The following TRIM47 variants were observed in gnomAD, a reference collection of about 807,000 sequenced individuals.
The protein encoded by TRIM47 is E3 ubiquitin-protein ligase TRIM47.
A neutral mutation model predicts 54.4 loss-of-function variants in TRIM47; 46 were observed. The observed-to-expected ratio is 0.84, with a 90% confidence interval of 0.67 to 1.08. The LOEUF (loss-of-function observed/expected upper bound fraction) is 1.08, where lower values mean the gene tolerates loss of function less well. TRIM47 is among the 50% of genes least tolerant of loss of function. The pLI is 0.00. For synonymous variants in TRIM47, 392 were observed against 410.2 expected, an observed-to-expected ratio of 0.96 and a Z score of 0.54; for missense variants, 825 against 910.1, an observed-to-expected ratio of 0.91 and a Z score of 1.20.
Position 75,876,038 on chromosome 17 carries a change from C to T in TRIM47, c.1064G>A (p.Arg355Lys). 1 of 1,603,218 alleles carries T rather than the reference C, an allele frequency of 6.2e-7. No homozygotes were observed. Among genetic ancestry groups the T allele is most frequent in the Non-Finnish European group, 8.5e-7 (1 of 1,179,974 alleles). ...DGCGPGPGPP[R>K]ELSFTKSSQA... Reference sequence around the variant, plus strand: ...GGATGATTTGGTGAAGCTGAGCTCCCTCGGGGGTCCAGGCCCAGGGCCACA... The same window carrying T: ...GGATGATTTGGTGAAGCTGAGCTCCTTCGGGGGTCCAGGCCCAGGGCCACA... Residue 355 changes from arginine (R) to lysine (K), a missense_variant, in exon 4 of 6, where the codon AGG becomes AAG. Coordinates refer to ENST00000254816, the MANE Select transcript of TRIM47 (RefSeq NM_033452.3).
rs1261998220 is a variant in TRIM47 at position 75,874,950 on chromosome 17, A to G, written c.1450T>C (p.Trp484Arg). 6.2e-7 allele frequency: 1 copy of G among 1,613,842 alleles called. No individual in the cohort carries two copies. Among genetic ancestry groups the G allele is most frequent in the African/African-American group, 1.3e-5 (1 of 74,880 alleles). ...CAGCCCTCGATAATCTCCACCTCCC[A>G]GTAGTAGGTGCCTCGGTCCAGGGCA... is the stretch of plus-strand genomic sequence containing the variant. Reference protein sequence around the residue: ...EGALDRGTYYWEVEIIEGWVS... With the variant: ...EGALDRGTYYREVEIIEGWVS... Residue 484 changes from tryptophan (W) to arginine (R), a missense_variant, in exon 6 of 6, where the codon TGG becomes CGG. Trp to Arg is a moderately radical substitution (Grantham distance 101). Coordinates refer to ENST00000254816, the MANE Select transcript of TRIM47 (RefSeq NM_033452.3). The surrounding 1 kb of genome is among the most constrained non-coding windows in gnomAD (Gnocchi z 6.2).
At position 75,875,073 on chromosome 17, in the gene TRIM47, G is replaced by A. The variant is rs1185767854; in HGVS notation, c.1327C>T (p.Leu443=). 1.2e-6 allele frequency: 2 copies of A among 1,609,596 alleles called. No homozygotes were observed. The highest frequency in any genetic ancestry group is 1.7e-6 in the Non-Finnish European group (2 of 1,176,454). The part of the protein sequence containing the change: ...DSDTADKFLQ[L]FGTKGVKRVL... ...CTCTTGACACCTTTGGTTCCAAACA[G>A]CTGCAGGAACTTGTCTGCTGTGTCG... The change falls in exon 6 of 6, where the codon CTG becomes TTG. Residue 443 remains leucine (L), a synonymous_variant. Transcript: ENST00000254816. This position sits in a 1 kb window ranked among gnomAD's most constrained non-coding sequence, Gnocchi z 6.1.
In TRIM47 at chr17:75,875,697, G is replaced by A. The variant is rs2065129044; in HGVS notation, c.1201+204C>T. 9.7e-6 allele frequency: 7 copies of A among 722,642 alleles called. 1 individual carries two copies. In the South Asian group the frequency reaches 1.1e-4, roughly 11 times the overall value. 44.8% of individuals were successfully genotyped at this position (722,642 alleles called of 1,614,324 possible). A position where few individuals can be genotyped will look rare whatever the true frequency, so the allele number is the denominator to read the frequency against. ...ACAGCCCTCTGGAGCTAGAGGGTGGGCTAGGAGAAGCCCCCTCTACCCCAG... is the reference window on the plus strand; with the variant it reads ...ACAGCCCTCTGGAGCTAGAGGGTGGACTAGGAGAAGCCCCCTCTACCCCAG... On this transcript the variant is annotated intron_variant, in intron 4 of 5. Transcript: ENST00000254816. The surrounding 1 kb of genome is among the most constrained non-coding windows in gnomAD (Gnocchi z 6.1).
chr17:75,875,849 G>A lies in TRIM47; in HGVS notation c.1201+52C>T, dbSNP rs2065129570. ...ATGGGCGCCAGGCCTGGGGGCCTGT[G>A]CGAGAGGCTGGCAGAGGGTGAGTCA... is the stretch of plus-strand genomic sequence containing the variant. On this transcript the variant is annotated intron_variant, in intron 4 of 5. Coordinates refer to ENST00000254816, the MANE Select transcript of TRIM47 (RefSeq NM_033452.3). This position sits in a 1 kb window ranked among gnomAD's most constrained non-coding sequence, Gnocchi z 6.1. The A allele has an allele frequency of 1.3e-6, 2 of 1,578,560 alleles. No individual in the cohort carries two copies. Among genetic ancestry groups the A allele is most frequent in the South Asian group, 1.1e-5 (1 of 88,298 alleles).
Position 75,875,959 on chromosome 17 carries a change from C to T in TRIM47, c.1143G>A (p.Trp381Ter), listed in dbSNP as rs2065130840. Residue 381 changes from tryptophan to a stop codon, truncating the protein, a stop_gained, in exon 4 of 6, where the codon TGG (tryptophan) becomes TGA (stop). Coordinates refer to ENST00000254816, the MANE Select transcript of TRIM47 (RefSeq NM_033452.3). LOFTEE classifies it high-confidence loss of function. This position sits in a 1 kb window ranked among gnomAD's most constrained non-coding sequence, Gnocchi z 6.1. ...TGCCACCCGGCCCCCTCAGCTGCTC[C>T]CACTGGTTGACGCAGGCCACGGCCA... is the stretch of plus-strand genomic sequence containing the variant. ...DMLAVACVNQ[W>*]EQLRGPGGNE... is the part of the protein sequence containing the mutation. 1.9e-6 allele frequency: 3 copies of T among 1,610,642 alleles called. No individual in the cohort carries two copies. Among genetic ancestry groups the T allele is most frequent in the Admixed American group, 1.7e-5 (1 of 60,010 alleles).
Position 75,874,917 on chromosome 17 carries a change from T to A in TRIM47, c.1483A>T (p.Met495Leu), listed in dbSNP as rs985592031. 6.2e-7 allele frequency: 1 copy of A among 1,612,622 alleles called. No homozygotes were observed. Among genetic ancestry groups the A allele is most frequent in the African/African-American group, 1.3e-5 (1 of 74,892 alleles). ...GAGAAGTCTTCGGCCATGACCCCCA[T>A]GCTGACCCAGCCCTCGATAATCTCC... is the stretch of plus-strand genomic sequence containing the variant. ...EVEIIEGWVSMGVMAEDFSPQ... is the reference protein window; with the variant it reads ...EVEIIEGWVSLGVMAEDFSPQ... Residue 495 changes from methionine to leucine, a missense_variant, in exon 6 of 6, where the codon ATG becomes TTG. Physicochemically the swap from Met to Leu is conservative, Grantham distance 15 (BLOSUM62 2). Transcript: ENST00000254816. This position sits in a 1 kb window ranked among gnomAD's most constrained non-coding sequence, Gnocchi z 6.2.
Position 75,875,549 on chromosome 17 carries a change from C to T in TRIM47, c.1202-75G>A, listed in dbSNP as rs1201995386. On this transcript the variant is annotated intron_variant, in intron 4 of 5. Transcript: ENST00000254816. The surrounding 1 kb of genome is among the most constrained non-coding windows in gnomAD (Gnocchi z 6.1). ...GAACCTGTGACTACAATCCCTACCC[C>T]CTTCACTTCCTCCCAGAGTCCAGAG... The T allele has an allele frequency of 7.4e-7, 1 of 1,343,692 alleles. No individual in the cohort carries two copies. The highest frequency in any genetic ancestry group is 1.1e-6 in the Non-Finnish European group (1 of 941,614). The allele number at this position is 1,343,692 out of a possible 1,614,324, so 83.2% of individuals were successfully genotyped here. A position where few individuals can be genotyped will look rare whatever the true frequency, so the allele number is the denominator to read the frequency against.
Position 75,878,382 on chromosome 17 carries a change from A to T in TRIM47, c.167T>A (p.Leu56Gln), listed in dbSNP as rs776976617. 54 of 1,405,682 alleles carry T rather than the reference A, an allele frequency of 3.8e-5. No homozygotes were observed. Among genetic ancestry groups the T allele is most frequent in the Non-Finnish European group, 2.8e-6 (3 of 1,073,436 alleles). 87.1% of individuals were successfully genotyped at this position (1,405,682 alleles called of 1,614,324 possible). Reference sequence around the variant, plus strand: ...GCCGTCGGGGAAGGGCTCCTGGCACAGCGGGCAGCGGGCCGCGCCTCCGGG... The same window carrying T: ...GCCGTCGGGGAAGGGCTCCTGGCACTGCGGGCAGCGGGCCGCGCCTCCGGG... Reference protein sequence around the residue: ...GGPGGAARCPLCQEPFPDGLQ... With the variant: ...GGPGGAARCPQCQEPFPDGLQ... Residue 56 changes from leucine to glutamine, a missense_variant, in exon 1 of 6, where the codon CTG becomes CAG. Physicochemically the swap from Leu to Gln is moderately radical, Grantham distance 113. Transcript: ENST00000254816.
Position 75,874,626 on chromosome 17 carries a change from G to A in TRIM47, c.1774C>T (p.Pro592Ser). ...RGGIPASPID[P>S]FQSRLDSHFA... ...TGACTGTCCAGGCGGCTCTGGAAGG[G>A]GTCAATGGGGGAGGCCGGGATGCCA... is the stretch of plus-strand genomic sequence containing the variant. Residue 592 changes from proline (P) to serine (S), a missense_variant, in exon 6 of 6, where the codon CCC becomes TCC. Pro to Ser is a moderately conservative substitution (Grantham distance 74). Transcript: ENST00000254816. This position sits in a 1 kb window ranked among gnomAD's most constrained non-coding sequence, Gnocchi z 6.2. 6.3e-7 allele frequency: 1 copy of A among 1,583,116 alleles called. No homozygotes were observed. Among genetic ancestry groups the A allele is most frequent in the Non-Finnish European group, 8.6e-7 (1 of 1,163,858 alleles).
At position 75,876,473 on chromosome 17, in the gene TRIM47, C is replaced by A. The variant is rs374280134; in HGVS notation, c.791G>T (p.Arg264Leu). ...TGCAAACAGCCGGCTCACCCTCTCC[C>A]GCTCTGCTACGGCTGCACTCTGCAC... ...ALIKSAAVAE[R>L]ERVSRLFADA... Residue 264 changes from arginine (R) to leucine (L), a missense_variant, in exon 3 of 6, where the codon CGG becomes CTG. Transcript: ENST00000254816. 1 of 1,607,064 alleles carries A rather than the reference C, an allele frequency of 6.2e-7. No homozygotes were observed.
rs201181313 is a variant in TRIM47 at position 75,875,026 on chromosome 17, G to A, written c.1374C>T (p.Tyr458=). 4 of 1,614,136 alleles carry A rather than the reference G, an allele frequency of 2.5e-6. No homozygotes were observed. The highest frequency in any genetic ancestry group is 3.4e-6 in the Non-Finnish European group (4 of 1,180,004). ...GGGTGAAGCGGGTGGGCGACAAGGGGTAGTTGATAGGACACAGCACCCTCT... is the reference window on the plus strand; with the variant it reads ...GGGTGAAGCGGGTGGGCGACAAGGGATAGTTGATAGGACACAGCACCCTCT... ...GVKRVLCPIN[Y]PLSPTRFTHC... Residue 458 remains tyrosine (Y), a synonymous_variant, in exon 6 of 6, where the codon TAC becomes TAT. Transcript: ENST00000254816. The surrounding 1 kb of genome is among the most constrained non-coding windows in gnomAD (Gnocchi z 6.1).
rs1265116244 is a variant in TRIM47 at position 75,875,450 on chromosome 17, T to G, written c.1226A>C (p.Glu409Ala). The change falls in exon 5 of 6, where the codon GAG becomes GCG. Residue 409 changes from glutamate to alanine, a missense_variant. Physicochemically the swap from Glu to Ala is moderately radical, Grantham distance 107 (BLOSUM62 -1). Transcript: ENST00000254816. The surrounding 1 kb of genome is among the most constrained non-coding windows in gnomAD (Gnocchi z 6.1). ...SEADAEPQDLESTNLLESEAP... is the reference protein window; with the variant it reads ...SEADAEPQDLASTNLLESEAP... ...TTCACTCTCCAAGAGGTTCGTACTC[T>G]CGAGGTCTTGGGGCTCAGCATCAGC... 1 of 1,613,920 alleles carries G rather than the reference T, an allele frequency of 6.2e-7. No individual in the cohort carries two copies. The highest frequency in any genetic ancestry group is 8.5e-7 in the Non-Finnish European group (1 of 1,179,988).
At position 75,877,367 on chromosome 17, in the gene TRIM47, CTG is replaced by C. The variant is rs547979197; in HGVS notation, c.675+505_675+506del. 601 of 164,486 alleles carry C rather than the reference CTG, an allele frequency of 3.7e-3. 2 individuals are homozygous for C. Among genetic ancestry groups the C allele is most frequent in the African/African-American group, 0.014 (568 of 42,014 alleles). 10.2% of individuals were successfully genotyped at this position (164,486 alleles called of 1,614,324 possible). A position where few individuals can be genotyped will look rare whatever the true frequency, so the allele number is the denominator to read the frequency against. ...AGACCGGGCTGGAGGCCAAAGGAAA[CTG>C]GGGGCGGGAGGTAGAGGCCGCGGCT... On this transcript the variant is annotated intron_variant, in intron 1 of 5. Coordinates refer to ENST00000254816, the MANE Select transcript of TRIM47 (RefSeq NM_033452.3).
chr17:75,874,983 C>A lies in TRIM47; in HGVS notation c.1417G>T (p.Gly473Cys), dbSNP rs765841466. 18 of 1,614,000 alleles carry A rather than the reference C, an allele frequency of 1.1e-5. No individual in the cohort carries two copies. The highest frequency in any genetic ancestry group is 1.7e-6 in the Non-Finnish European group (2 of 1,180,004). Residue 473 changes from glycine to cysteine, a missense_variant, in exon 6 of 6, where the codon GGC (glycine) becomes TGC (cysteine). Transcript: ENST00000254816. This position sits in a 1 kb window ranked among gnomAD's most constrained non-coding sequence, Gnocchi z 6.2. ...GTGCCTCGGTCCAGGGCACCCTCGCCCAGCACCTGCTCACAATGGGTGAAG... is the reference window on the plus strand; with the variant it reads ...GTGCCTCGGTCCAGGGCACCCTCGCACAGCACCTGCTCACAATGGGTGAAG... ...TRFTHCEQVLGEGALDRGTYY... is the reference protein window; with the variant it reads ...TRFTHCEQVLCEGALDRGTYY...
rs2065129128 is a variant in TRIM47, at chr17:75,875,729, G to C, written c.1201+172C>G. 3.7e-6 allele frequency: 3 copies of C among 816,622 alleles called. No homozygotes were observed. Among genetic ancestry groups the C allele is most frequent in the Non-Finnish European group, 3.8e-6 (2 of 525,574 alleles). The allele number at this position is 816,622 out of a possible 1,614,324, so 50.6% of individuals were successfully genotyped here. ...GAAGCCCCCTCTACCCCAGGTCCAAGGGGCTGATTGATCCCCACAGGGTGG... is the reference window on the plus strand; with the variant it reads ...GAAGCCCCCTCTACCCCAGGTCCAACGGGCTGATTGATCCCCACAGGGTGG... On this transcript the variant is annotated intron_variant, in intron 4 of 5. Transcript: ENST00000254816. The surrounding 1 kb of genome is among the most constrained non-coding windows in gnomAD (Gnocchi z 6.1).
Position 75,878,253 on chromosome 17 carries a change from G to T in TRIM47, c.296C>A (p.Pro99His). Residue 99 changes from proline to histidine, a missense_variant, in exon 1 of 6, where the codon CCC (proline) becomes CAC (histidine). Coordinates refer to ENST00000254816, the MANE Select transcript of TRIM47 (RefSeq NM_033452.3). ...ACTGGGCAGCGCGCTGGGTGCCGAG[G>T]GCTCCGGGGCCAGGGCAGGGGCCGG... is the stretch of plus-strand genomic sequence containing the variant. The part of the protein sequence containing the change: ...PGPAPALAPE[P>H]SAPSALPSVP... 1 of 1,239,488 alleles carries T rather than the reference G, an allele frequency of 8.1e-7. No homozygotes were observed. The highest frequency in any genetic ancestry group is 1.0e-6 in the Non-Finnish European group (1 of 991,706). 76.8% of individuals were successfully genotyped at this position (1,239,488 alleles called of 1,614,324 possible).
In TRIM47 at chr17:75,878,474, G is replaced by T. The variant is rs751170727; in HGVS notation, c.75C>A (p.Gly25=). The T allele has an allele frequency of 2.2e-5, 31 of 1,408,548 alleles. No homozygotes were observed. In the South Asian group the frequency reaches 3.9e-4, roughly 18 times the overall value. 87.3% of individuals were successfully genotyped at this position (1,408,548 alleles called of 1,614,324 possible). Residue 25 remains glycine (G), a synonymous_variant, in exon 1 of 6, where the codon GGC becomes GGA. Transcript: ENST00000254816. ...CCAGGCAGGCGAGACAGAAGTTGTG[G>T]CCGCAGGGCAGCGTCACCGGCTCCC... ...PLREPVTLPC[G]HNFCLACLGA... is the part of the protein sequence containing the mutation.
Position 75,878,136 on chromosome 17 carries a change from A to AG in TRIM47, c.412dup (p.Leu138ProfsTer90). ...GGAGAGGCAGGACAGCGCGGCGGGC[A>AG]GGGCCGCGCCCTCGGGGCACGCGTC... On this transcript the variant is annotated frameshift_variant, in exon 1 of 6. Coordinates refer to ENST00000254816, the MANE Select transcript of TRIM47 (RefSeq NM_033452.3). LOFTEE classifies it high-confidence loss of function. The AG allele has an allele frequency of 8.0e-7, 1 of 1,252,252 alleles. No homozygotes were observed. Among genetic ancestry groups the AG allele is most frequent in the Non-Finnish European group, 1.0e-6 (1 of 999,596 alleles). The allele number at this position is 1,252,252 out of a possible 1,614,324, so 77.6% of individuals were successfully genotyped here.
At position 75,878,034 on chromosome 17, in the gene TRIM47, G is replaced by T. The variant is rs1388434577; in HGVS notation, c.515C>A (p.Pro172Gln). ...GCTCTCCTCTAGCCGGCGCAGCGGC[G>T]GCACCAGGCGGTGTCCGCGGAGGGC... is the stretch of plus-strand genomic sequence containing the variant. Reference protein sequence around the residue: ...SPALRGHRLVPPLRRLEESLC... With the variant: ...SPALRGHRLVQPLRRLEESLC... The change falls in exon 1 of 6, where the codon CCG becomes CAG. Residue 172 changes from proline (P) to glutamine (Q), a missense_variant. Transcript: ENST00000254816. The T allele has an allele frequency of 5.7e-6, 8 of 1,415,438 alleles. No individual in the cohort carries two copies. Among genetic ancestry groups the T allele is most frequent in the Non-Finnish European group, 7.4e-6 (8 of 1,087,952 alleles). The allele number at this position is 1,415,438 out of a possible 1,614,324, so 87.7% of individuals were successfully genotyped here.
Sources: gnomAD v4.1 joint callset for allele counts on GRCh38, gnomAD v4.1.1 for gene constraint, Gnocchi (gnomAD v3.1) non-coding constraint, MANE v1.5 for transcripts, NCBI Gene and HGNC (gene_info 2026-07-23, HGNC 2026-07-21) for gene names.